ACSM3: variants seen among roughly 807,000 people sequenced by gnomAD.
ACSM3 encodes acyl-coenzyme A synthetase ACSM3, mitochondrial.
Under a neutral mutation model 74.1 loss-of-function variants are expected in ACSM3, and 61 were observed. The observed-to-expected ratio is 0.82, with a 90% CI of 0.67 to 1.02. ACSM3 has a LOEUF of 1.02. Ranked by LOEUF, ACSM3 falls within the 50% of genes least tolerant of loss-of-function variation. ACSM3 has a pLI of 0.00. For missense variants in ACSM3, 660 were observed against 697.0 expected (o/e 0.95, Z 0.60); for synonymous variants, 213 against 241.5 (o/e 0.88, Z 1.09).
At chr16:20,731,822 T>C in intron 1 of ACSM3, 1 of 255,006 alleles carries the variant, frequency 3.9e-6, no homozygotes, top group Non-Finnish European at 7.1e-6. Flanking sequence ...GGATTTTGAC[T>C]TTATAGTAGC....
chr16:20,780,950 C>T (rs1350934272), intron 5 of ACSM3, 24 bp from the exon 6 acceptor site: 1 of 1,613,630 alleles, frequency 6.2e-7, no homozygotes. Flanking sequence ...CTATGTACAT[C>T]AGGGCTACTC....
rs973646056 is a variant in ACSM3, at chr16:20,780,954, G to C, written c.783-20G>C. 1 of 1,613,922 alleles carries C rather than the reference G, an allele frequency of 6.2e-7. No homozygotes were observed. The highest frequency in any genetic ancestry group is 1.7e-5 in the Admixed American group (1 of 59,996). On this transcript the variant is annotated intron_variant, in intron 5 of 13. Transcript: ENST00000289416. ...TATTTATTTTCCTATGTACATCAGG[G>C]CTACTCTTTGTTTTCCCAGGTTCTG...
chr16:20,781,230 A>C, intron 6 of ACSM3, 100 bp downstream of exon 6: 1 of 1,400,218 alleles, frequency 7.1e-7, no homozygotes, highest in Admixed American at 2.1e-5. Context: ...AGAGTAGACA[A>C]TATGATTTAA....
At chr16:20,745,671 A>AC in intron 1 of ACSM3, among the ~76,000 whole-genome samples, 1 of 152,128 alleles carries the variant, frequency 6.6e-6, no homozygotes, top group South Asian at 2.1e-4. Context: ...TGAGGATGTT[A>AC]CCTTTTGTTT....
chr16:20,691,871 T>G (rs553193142), intron 1 of ACSM3, among the ~76,000 whole-genome samples: 3 of 150,346 alleles, frequency 2.0e-5, no homozygotes. Context: ...TGTGTGCTGT[T>G]TGTGGTTATG....
intron 1 of ACSM3, among the ~76,000 whole-genome samples, chr16:20,707,883 C>CA (rs1307107996): frequency 2.0e-5 from 3 of 152,032 alleles, no homozygotes; most frequent in Non-Finnish European, 2.9e-5. Context: ...CAACCTACCA[C>CA]AAAAAATTGG....
At position 20,789,701 on chromosome 16, in the gene ACSM3, T is replaced by G. The variant is rs552734552; in HGVS notation, c.1225-886T>G. 7.4e-5 allele frequency: 45 copies of G among 606,436 alleles called. No individual in the cohort carries two copies. The East Asian group carries it at 9.5e-4, about 13-fold the overall frequency. The allele number at this position is 606,436 out of a possible 1,614,324, so 37.6% of individuals were successfully genotyped here. ...CTATTTTTCTTTTTTTTTTTTTTTT[T>G]TTGAGATGGAGTTTCACTCATTGCC... On this transcript the variant is annotated intron_variant, in intron 9 of 13. Coordinates refer to ENST00000289416, the MANE Select transcript of ACSM3 (RefSeq NM_005622.4).
chr16:20,685,547 C>A (rs183409660), intron 1 of ACSM3: 10 of 773,188 alleles, frequency 1.3e-5, no homozygotes, highest in Non-Finnish European at 2.0e-5. Context: ...TACAGCCAGG[C>A]GCAGTGGCTC....
At chr16:20,736,895 T>C (rs751177618) in intron 1 of ACSM3, 20 of 1,613,688 alleles carry the variant, frequency 1.2e-5, no homozygotes, top group Non-Finnish European at 1.7e-5. Context: ...AGAAGTCATT[T>C]TCATTTGACT....
chr16:20,780,784 G>C lies in ACSM3; in HGVS notation c.709G>C (p.Gly237Arg). The C allele has an allele frequency of 6.2e-7, 1 of 1,614,174 alleles. No homozygotes were observed. Among genetic ancestry groups the C allele is most frequent in the South Asian group, 1.1e-5 (1 of 91,076 alleles). ...GATCATGGCCATATTCTTTACCAGTGGAACAAGTGGATATCCGAAAATGAC... is the reference window on the plus strand; with the variant it reads ...GATCATGGCCATATTCTTTACCAGTCGAACAAGTGGATATCCGAAAATGAC... ...NEIMAIFFTS[G>R]TSGYPKMTAH... The change falls in exon 5 of 14, where the codon GGA becomes CGA. Residue 237 changes from glycine to arginine, a missense_variant. Physicochemically the swap from Gly to Arg is moderately radical, Grantham distance 125 (BLOSUM62 -2). Transcript: ENST00000289416.
chr16:20,713,673 C>T (rs2079751376), intron 1 of ACSM3, among the ~76,000 whole-genome samples: 1 of 152,156 alleles, frequency 6.6e-6, no homozygotes, highest in Non-Finnish European at 1.5e-5. Context: ...TTGCAATATT[C>T]TGTAGAGTCC....
At position 20,796,908 on chromosome 16, in the gene ACSM3, C is replaced by T; in HGVS notation, c.1697C>T (p.Pro566Leu). ...CAGGTAGAATTTATTCAAGAGCTGC[C>T]AAAGACTATCAGTGGGAAGACAAAA... ...PRKVEFIQEL[P>L]KTISGKTKRN... Residue 566 changes from proline to leucine, a missense_variant, in exon 14 of 14, where the codon CCA (proline) becomes CTA (leucine). Transcript: ENST00000289416. 3 of 1,612,264 alleles carry T rather than the reference C, an allele frequency of 1.9e-6. No homozygotes were observed. Among genetic ancestry groups the T allele is most frequent in the Non-Finnish European group, 2.5e-6 (3 of 1,179,320 alleles).
intron 1 of ACSM3, among the ~76,000 whole-genome samples, chr16:20,713,706 CA>C (rs2079751465): frequency 6.6e-6 from 1 of 152,132 alleles, no homozygotes; most frequent in East Asian, 1.9e-4. Flanking sequence ...AAAGGAGCCA[CA>C]AAATTTACAA....
chr16:20,689,749 TG>T lies in ACSM3; in HGVS notation c.-190+14928del, dbSNP rs574670216. Among the ~76,000 whole-genome samples, 514 of 152,316 alleles carry T rather than the reference TG, an allele frequency of 3.4e-3. 2 individuals carry two copies. Among genetic ancestry groups the T allele is most frequent in the African/African-American group, 0.012 (507 of 41,574 alleles). ...TACTTCCTTCCTCTCCAACCCATCT[TG>T]TTTCAAAAATTCTCAACCAGATTTC... On this transcript the variant is annotated intron_variant, in intron 1 of 3. Coordinates refer to the ACSM3 transcript ENST00000561584.
intron 2 of ACSM3, among the ~76,000 whole-genome samples, chr16:20,772,485 A>G (rs960331361): frequency 1.3e-4 from 20 of 152,166 alleles, no homozygotes; most frequent in African/African-American, 4.8e-4. Context: ...GTTGTTTTAT[A>G]GTTTTGAGTC....
At chr16:20,742,805 ATATATATAT>A (rs1241666936) in intron 1 of ACSM3, among the ~76,000 whole-genome samples, 7 of 56,336 alleles carry the variant, frequency 1.2e-4, no homozygotes, top group African/African-American at 2.4e-4. Flanking sequence ...ATATATATAT[ATATATATAT>A]TTTTTTTTTT....
intron 1 of ACSM3, among the ~76,000 whole-genome samples, chr16:20,705,988 A>G (rs2079726246): frequency 6.6e-6 from 1 of 152,188 alleles, no homozygotes; most frequent in Non-Finnish European, 1.5e-5. Flanking sequence ...TAAGAAATTT[A>G]GCATACTTGA....
chr16:20,675,074 C>T (rs1023035093), intron 1 of ACSM3, among the ~76,000 whole-genome samples: 1 of 152,064 alleles, frequency 6.6e-6, no homozygotes, highest in African/African-American at 2.4e-5. Context: ...GGCTTGCCAC[C>T]CCAACTGGGA....
At chr16:20,733,739 G>A (rs1002034333) in intron 1 of ACSM3, 4 of 151,926 alleles carry the variant, frequency 2.6e-5, no homozygotes, top group East Asian at 3.8e-4. Context: ...ATTTCTGGCC[G>A]TACCAAAAGC....
Sources: gnomAD v4.1 joint callset for allele counts (sites outside exome capture counted in the v4.1 genomes callset) on GRCh38, gnomAD v4.1.1 for gene constraint, MANE v1.5 for transcripts, NCBI Gene and HGNC (gene_info 2026-07-23, HGNC 2026-07-21) for gene names.